The following GABRA2 variants were observed in gnomAD, a reference collection of about 807,000 sequenced individuals.
GABRA2 encodes gamma-aminobutyric acid receptor subunit alpha-2.
GABRA2 carries 16 observed loss-of-function variants against 48.7 expected under a neutral mutation model. The observed-to-expected ratio is 0.33, with a 90% CI of 0.22 to 0.50. The LOEUF (loss-of-function observed/expected upper bound fraction) is 0.50. Ranked by LOEUF, GABRA2 falls within the 20% of genes least tolerant of loss-of-function variation. The pLI is 0.98. For synonymous variants in GABRA2, 185 were observed against 184.5 expected (o/e 1.00, Z -0.02); for missense variants, 275 against 535.6 (o/e 0.51, Z 4.80).
intron 8 of GABRA2, among the ~76,000 whole-genome samples, chr4:46,269,608 G>A (rs939572808): frequency 1.2e-4 from 18 of 151,646 alleles, no homozygotes; most frequent in Admixed American, 9.2e-4. Flanking sequence ...CTGTATAAAC[G>A]TAGTAAAAAA....
intron 3 of GABRA2, among the ~76,000 whole-genome samples, chr4:46,376,341 G>GC (rs1715697000): frequency 6.6e-6 from 1 of 152,168 alleles, no homozygotes; most frequent in Non-Finnish European, 1.5e-5. Flanking sequence ...GATCAGTCAT[G>GC]CTTATGGTCC....
chr4:46,314,805 A>G (rs1560516314), intron 4 of GABRA2, among the ~76,000 whole-genome samples: 1 of 152,124 alleles, frequency 6.6e-6, no homozygotes, highest in Non-Finnish European at 1.5e-5. Flanking sequence ...ATGTTGCTGC[A>G]GAGCGCAAGA....
intron 8 of GABRA2, among the ~76,000 whole-genome samples, chr4:46,298,986 A>G (rs1238731298): frequency 6.6e-6 from 1 of 151,174 alleles, no homozygotes; most frequent in Non-Finnish European, 1.5e-5. Flanking sequence ...CATATATTAT[A>G]CATATATTAT....
At chr4:46,313,065 A>G (rs1462395889) in intron 4 of GABRA2, among the ~76,000 whole-genome samples, 1 of 151,668 alleles carries the variant, frequency 6.6e-6, no homozygotes, top group Non-Finnish European at 1.5e-5. Context: ...TGGTTGAATT[A>G]TTTTAAGTAG....
At chr4:46,367,161 A>G (rs993496419) in intron 3 of GABRA2, 1 of 152,118 alleles carries the variant, frequency 6.6e-6, no homozygotes, top group Non-Finnish European at 1.5e-5. Flanking sequence ...CTATCAATCA[A>G]CATTGTTTCT....
Position 46,383,126 on chromosome 4 carries a change from C to A in GABRA2, c.187+2948G>T, listed in dbSNP as rs925521449. Among the ~76,000 whole-genome samples, 3 of 152,074 alleles carry A rather than the reference C, an allele frequency of 2.0e-5. No homozygotes were observed. In the East Asian group the frequency reaches 5.8e-4, roughly 29 times the overall value. On this transcript the variant is annotated intron_variant, in intron 3 of 9. Coordinates refer to ENST00000381620, the MANE Select transcript of GABRA2 (RefSeq NM_000807.4). ...GTACATTTAGCAAGTTCTTCAAAGTCTTTTAGTTATTGTCATTTATTAACT... is the reference window on the plus strand; with the variant it reads ...GTACATTTAGCAAGTTCTTCAAAGTATTTTAGTTATTGTCATTTATTAACT...
At chr4:46,368,850 C>A in intron 3 of GABRA2, 1 of 479,218 alleles carries the variant, frequency 2.1e-6, no homozygotes, top group Non-Finnish European at 3.8e-6. Flanking sequence ...AAACTCAACC[C>A]CCTTCATACA....
At chr4:46,332,545 C>T (rs1367237307) in intron 4 of GABRA2, 70 bp downstream of exon 4, 5 of 858,894 alleles carry the variant, frequency 5.8e-6, no homozygotes, top group East Asian at 2.4e-5. Context: ...ACTAAAAATG[C>T]TAGTTTATTT....
chr4:46,307,708 A>G (rs1726938979), intron 6 of GABRA2, among the ~76,000 whole-genome samples: 1 of 152,168 alleles, frequency 6.6e-6, no homozygotes, highest in Non-Finnish European at 1.5e-5. Context: ...CTGCTATGGA[A>G]GATGGAAATC....
At chr4:46,286,379 T>C (rs1722542279) in intron 8 of GABRA2, among the ~76,000 whole-genome samples, 1 of 152,130 alleles carries the variant, frequency 6.6e-6, no homozygotes, top group Non-Finnish European at 1.5e-5. Flanking sequence ...TTCCACCTTT[T>C]GACCATTGAG....
rs555579829 is a variant in GABRA2, at chr4:46,345,093, C to T, written c.188-12411G>A. Among the ~76,000 whole-genome samples, 47 of 151,868 alleles carry T rather than the reference C, an allele frequency of 3.1e-4. 1 individual carries two copies. The South Asian group carries it at 5.0e-3, about 16-fold the overall frequency. On this transcript the variant is annotated intron_variant, in intron 3 of 9. Coordinates refer to ENST00000381620, the MANE Select transcript of GABRA2 (RefSeq NM_000807.4). ...TCTCATGATAGTGAGTGAGTTCTCA[C>T]GAGATCCAATGGTTTTATAAGGGGC...
At chr4:46,364,406 T>A (rs1713712609) in intron 3 of GABRA2, 1 of 152,078 alleles carries the variant, frequency 6.6e-6, no homozygotes, top group Admixed American at 6.5e-5. Flanking sequence ...AACTTAACAA[T>A]GTAAGACAAT....
intron 3 of GABRA2, among the ~76,000 whole-genome samples, chr4:46,369,401 T>C (rs1440649166): frequency 1.3e-5 from 2 of 152,150 alleles, no homozygotes; most frequent in African/African-American, 4.8e-5. Context: ...ATACATTATG[T>C]TGATACCTGT....
chr4:46,275,244 A>G (rs1204277275), intron 8 of GABRA2, among the ~76,000 whole-genome samples: 2 of 152,122 alleles, frequency 1.3e-5, no homozygotes, highest in African/African-American at 2.4e-5. Flanking sequence ...TTAATTAGGC[A>G]TAATTTGATA....
At chr4:46,375,026 G>C (rs1715478539) in intron 3 of GABRA2, among the ~76,000 whole-genome samples, 1 of 151,864 alleles carries the variant, frequency 6.6e-6, no homozygotes, top group Non-Finnish European at 1.5e-5. Context: ...AAACAACAAG[G>C]AATATAGAGA....
chr4:46,358,769 C>A (rs1402552655), intron 3 of GABRA2, among the ~76,000 whole-genome samples: 1 of 152,288 alleles, frequency 6.6e-6, no homozygotes, highest in East Asian at 1.9e-4. Flanking sequence ...AATCTTCTAT[C>A]AGAGAGTCCT....
At chr4:46,338,852 TAGAC>T (rs1401583948) in intron 3 of GABRA2, among the ~76,000 whole-genome samples, 1 of 151,914 alleles carries the variant, frequency 6.6e-6, no homozygotes, top group Non-Finnish European at 1.5e-5. Flanking sequence ...AGAGTATAAA[TAGAC>T]AGCTACTGAG....
chr4:46,373,243 C>T (rs905447591), intron 3 of GABRA2, among the ~76,000 whole-genome samples: 2 of 152,112 alleles, frequency 1.3e-5, no homozygotes, highest in East Asian at 1.9e-4. Context: ...TTTTCATCAC[C>T]CCTATATTTC....
At chr4:46,363,195 T>C (rs931724020) in intron 3 of GABRA2, among the ~76,000 whole-genome samples, 2 of 152,154 alleles carry the variant, frequency 1.3e-5, no homozygotes, top group Non-Finnish European at 1.5e-5. Context: ...AAATATTGAA[T>C]GTAGGGAATA....
Sources: allele counts gnomAD v4.1 joint callset (sites outside exome capture counted in the v4.1 genomes callset), GRCh38; gene constraint gnomAD v4.1.1; transcripts MANE v1.5; gene names NCBI Gene and HGNC (gene_info 2026-07-23, HGNC 2026-07-21).